The following ZFHX3 variants were observed in gnomAD, a reference collection of about 807,000 sequenced individuals.
ZFHX3 encodes the protein zinc finger homeobox 3.
Under a neutral mutation model 279.1 loss-of-function variants are expected in ZFHX3, and 42 were observed. The observed-to-expected ratio is 0.15, with a 90% CI of 0.12 to 0.19. The LOEUF is 0.19. Among genes scored for constraint, ZFHX3 ranks in the 10% least tolerant of loss-of-function variants. The probability of loss-of-function intolerance (pLI) is 1.00; values close to 1 mark genes in which losing one functional copy is unlikely to be tolerated. For synonymous variants in ZFHX3, 2,293 were observed against 1,957.8 expected (o/e 1.17, Z -4.52); for missense variants, 4,981 against 4,754.0 (o/e 1.05, Z -1.40).
chr16:72,930,233 TA>T (rs149209160), intron 3 of ZFHX3, among the ~76,000 whole-genome samples: 6,172 of 151,966 alleles, frequency 0.041, 299 homozygotes, highest in African/African-American at 0.1. Context: ...GATAAATAAA[TA>T]AAATAAAATA....
intron 1 of ZFHX3, among the ~76,000 whole-genome samples, chr16:73,890,491 T>G (rs2030498439): frequency 6.6e-6 from 1 of 152,218 alleles, no homozygotes; most frequent in South Asian, 2.1e-4. Context: ...GCATTTTCTT[T>G]ATTGTCAACG....
chr16:73,733,841 C>CA (rs1273248247), intron 1 of ZFHX3, among the ~76,000 whole-genome samples: 1 of 152,066 alleles, frequency 6.6e-6, no homozygotes, highest in African/African-American at 2.4e-5. Context: ...CCCCAAAAAG[C>CA]AAGAAGGATA....
At chr16:72,825,556 A>C (rs188191806) in intron 5 of ZFHX3, among the ~76,000 whole-genome samples, 3 of 152,320 alleles carry the variant, frequency 2.0e-5, no homozygotes, top group Admixed American at 2.0e-4. Flanking sequence ...CACACAGAAA[A>C]TGATGGCAAA....
At chr16:73,256,293 T>C (rs1048212663) in intron 5 of ZFHX3, among the ~76,000 whole-genome samples, 2 of 152,172 alleles carry the variant, frequency 1.3e-5, no homozygotes, top group African/African-American at 4.8e-5. Context: ...AATACAGCCA[T>C]CAGATGCTGA....
intron 3 of ZFHX3, among the ~76,000 whole-genome samples, chr16:72,946,467 A>T (rs1960682663): frequency 6.6e-6 from 1 of 152,210 alleles, no homozygotes; most frequent in African/African-American, 2.4e-5. Flanking sequence ...AAGTTGACAG[A>T]TTTCCACTCC....
intron 1 of ZFHX3, among the ~76,000 whole-genome samples, chr16:73,820,214 C>A (rs534559682): frequency 6.6e-6 from 1 of 152,072 alleles, no homozygotes; most frequent in Non-Finnish European, 1.5e-5. Context: ...CTCAGCCTCC[C>A]GAGTAGCTGG....
rs201195777 is a variant in ZFHX3, at chr16:73,076,875, GTA to G, written c.-533+16358_-533+16359del. Among the ~76,000 whole-genome samples the G allele has an allele frequency of 4.2e-3, 629 of 149,622 alleles. 3 individuals are homozygous for G. The highest frequency in any genetic ancestry group is 7.8e-3 in the Non-Finnish European group (529 of 67,940). ...TTTATTTTATAAAATATGTGTGTGTGTATATATATATGTATACGCACACACAC... is the reference window on the plus strand; with the variant it reads ...TTTATTTTATAAAATATGTGTGTGTGTATATATATGTATACGCACACACAC... On this transcript the variant is annotated intron_variant, in intron 8 of 17. Coordinates refer to the ZFHX3 transcript ENST00000641206.
intron 2 of ZFHX3, among the ~76,000 whole-genome samples, chr16:73,663,344 A>G (rs1245561872): frequency 6.6e-6 from 1 of 152,190 alleles, no homozygotes; most frequent in African/African-American, 2.4e-5. Context: ...GCAGGTCACG[A>G]TCTAAAGACA....
At chr16:72,963,434 G>A (rs1961682991) in intron 1 of ZFHX3, among the ~76,000 whole-genome samples, 1 of 152,154 alleles carries the variant, frequency 6.6e-6, no homozygotes, top group South Asian at 2.1e-4. Context: ...AAAGTTAAAG[G>A]GAAGATAGGA....
intron 3 of ZFHX3, among the ~76,000 whole-genome samples, chr16:73,417,398 T>TTTC (rs1321769433): frequency 1.1e-4 from 16 of 142,472 alleles, no homozygotes; most frequent in African/African-American, 3.2e-4. Flanking sequence ...TTTCTTTTCT[T>TTTC]TTTTTTTTTT....
chr16:73,641,316 G>A (rs1303504583), intron 2 of ZFHX3, among the ~76,000 whole-genome samples: 1 of 152,122 alleles, frequency 6.6e-6, no homozygotes, highest in Admixed American at 6.5e-5. Flanking sequence ...GGCTTTCAAG[G>A]TGACGACAAA....
At chr16:73,472,779 C>T (rs1251191022) in intron 2 of ZFHX3, among the ~76,000 whole-genome samples, 2 of 152,126 alleles carry the variant, frequency 1.3e-5, no homozygotes, top group African/African-American at 2.4e-5. Context: ...GTAGCTGTGT[C>T]CCTTTCCCTG....
chr16:73,748,733 T>C (rs1447921316), intron 1 of ZFHX3, among the ~76,000 whole-genome samples: 1 of 152,238 alleles, frequency 6.6e-6, no homozygotes, highest in Non-Finnish European at 1.5e-5. Context: ...AAAATGGAAG[T>C]GTCTTTGCCT....
intron 2 of ZFHX3, among the ~76,000 whole-genome samples, chr16:73,552,362 T>G (rs554454630): frequency 1.3e-5 from 2 of 152,318 alleles, no homozygotes; most frequent in East Asian, 3.9e-4. Flanking sequence ...CTAAAAAGTA[T>G]ACCATTAGTA....
chr16:72,871,875 C>G (rs1010126090), intron 4 of ZFHX3, among the ~76,000 whole-genome samples: 1 of 152,086 alleles, frequency 6.6e-6, no homozygotes, highest in Non-Finnish European at 1.5e-5. Context: ...CACGAGGTCA[C>G]GAGATGAAGA....
chr16:73,414,667 T>A (rs1175030746), intron 3 of ZFHX3, among the ~76,000 whole-genome samples: 1 of 152,030 alleles, frequency 6.6e-6, no homozygotes, highest in African/African-American at 2.4e-5. Context: ...GAGACCCCCA[T>A]CTCTACAAAA....
At position 73,332,771 on chromosome 16, in the gene ZFHX3, G is replaced by GA. The variant is rs1284117441; in HGVS notation, c.-1290-14436dup. Among the ~76,000 whole-genome samples the GA allele has an allele frequency of 6.6e-5, 10 of 152,282 alleles. No individual in the cohort carries two copies. The East Asian group carries it at 1.7e-3, about 26-fold the overall frequency. On this transcript the variant is annotated intron_variant, in intron 3 of 17. Transcript: ENST00000641206. ...GATCTCTTTCCATGAAGAGCTCACA[G>GA]AGCCCTCAAGGTAGTCAATGAACGT...
At chr16:73,263,271 C>T (rs1271488763) in intron 4 of ZFHX3, among the ~76,000 whole-genome samples, 3 of 151,960 alleles carry the variant, frequency 2.0e-5, no homozygotes, top group Non-Finnish European at 4.4e-5. Flanking sequence ...GCCTCAACCT[C>T]TTAGGTTCAA....
At chr16:73,864,674 C>T (rs1276193234) in intron 1 of ZFHX3, among the ~76,000 whole-genome samples, 1 of 152,074 alleles carries the variant, frequency 6.6e-6, no homozygotes, top group African/African-American at 2.4e-5. Context: ...GAGCCAAGAT[C>T]GCCCCACTGC....
Sources: gnomAD v4.1 joint callset for allele counts (sites outside exome capture counted in the v4.1 genomes callset) on GRCh38, gnomAD v4.1.1 for gene constraint, MANE v1.5 for transcripts, NCBI Gene and HGNC (gene_info 2026-07-23, HGNC 2026-07-21) for gene names.